GRIK1: variants seen among roughly 807,000 people sequenced by gnomAD.
GRIK1 encodes the protein glutamate receptor ionotropic, kainate 1.
Under a neutral mutation model 105.7 loss-of-function variants are expected in GRIK1, and 69 were observed. That is an observed-to-expected ratio of 0.65 (90% CI 0.54 to 0.80). The LOEUF (loss-of-function observed/expected upper bound fraction) is 0.80. GRIK1 is among the 30% of genes least tolerant of loss of function. The pLI is 0.00. For synonymous variants in GRIK1, 438 were observed against 431.3 expected (o/e 1.02, Z -0.19); for missense variants, 1,109 against 1,167.3 (o/e 0.95, Z 0.73).
chr21:29,623,972 C>T lies in GRIK1; in HGVS notation c.1098+18854G>A, dbSNP rs75862058. Among the ~76,000 whole-genome samples the T allele has an allele frequency of 8.3e-3, 1,270 of 152,176 alleles. 13 individuals carry two copies. The highest frequency in any genetic ancestry group is 0.029 in the African/African-American group (1,207 of 41,538). On this transcript the variant is annotated intron_variant, in intron 7 of 17. Transcript: ENST00000327783. The stretch of plus-strand genomic sequence containing the variant: ...TGGATAATTGCCATCTTTGGCTGAA[C>T]GTGTTTTTTGTGTATAATGATGCTA...
At chr21:29,654,905 A>G (rs2062820002) in intron 4 of GRIK1, 42 bp from the exon 5 acceptor site, 3 of 1,133,234 alleles carry the variant, frequency 2.6e-6, no homozygotes, top group Non-Finnish European at 4.0e-6. Context: ...GAACAGAATT[A>G]TAATAAGAAT....
chr21:29,708,711 C>T (rs1054836209), intron 1 of GRIK1, among the ~76,000 whole-genome samples: 1 of 152,176 alleles, frequency 6.6e-6, no homozygotes. Context: ...CAGCCTGGGA[C>T]GTTGGAGCAG....
chr21:29,924,817 T>A (rs1228638554), intron 1 of GRIK1, among the ~76,000 whole-genome samples: 1 of 152,192 alleles, frequency 6.6e-6, no homozygotes, highest in Admixed American at 6.5e-5. Context: ...GTTTCTTAAT[T>A]TCATAGAAGG....
intron 1 of GRIK1, among the ~76,000 whole-genome samples, chr21:29,744,048 A>G (rs2064992421): frequency 6.6e-6 from 1 of 152,264 alleles, no homozygotes; most frequent in East Asian, 1.9e-4. Context: ...TACCTATGTA[A>G]TCAACCTGCA....
At chr21:29,553,643 C>G in intron 16 of GRIK1, 1 of 1,608,322 alleles carries the variant, frequency 6.2e-7, no homozygotes, top group Non-Finnish European at 8.5e-7. Flanking sequence ...TAAAGTAGTT[C>G]CAGAAGTGGA....
intron 1 of GRIK1, among the ~76,000 whole-genome samples, chr21:29,919,281 G>A (rs1295516353): frequency 6.6e-6 from 1 of 152,106 alleles, no homozygotes; most frequent in Admixed American, 6.6e-5. Context: ...AAAAGTCCAC[G>A]GAGGTAAGAG....
chr21:29,891,534 T>C (rs2069898898), intron 1 of GRIK1, among the ~76,000 whole-genome samples: 1 of 152,210 alleles, frequency 6.6e-6, no homozygotes, highest in African/African-American at 2.4e-5. Flanking sequence ...AAGATTTGTC[T>C]TCAACATCAT....
In GRIK1 at chr21:29,734,743, T is replaced by G. The variant is rs2064744205; in HGVS notation, c.119-40680A>C. On this transcript the variant is annotated intron_variant, in intron 1 of 17. Transcript: ENST00000327783. ...TATTGTCTTCCTTTCTTACTCAGAA[T>G]TGAACTCAACATTCTTGTCACCATT... Among the ~76,000 whole-genome samples, 3 of 152,274 alleles carry G rather than the reference T, an allele frequency of 2.0e-5. No individual in the cohort carries two copies. The South Asian group carries it at 6.2e-4, about 32-fold the overall frequency.
intron 14 of GRIK1, among the ~76,000 whole-genome samples, chr21:29,564,158 T>A (rs1383313805): frequency 2.0e-5 from 3 of 152,012 alleles, no homozygotes; most frequent in African/African-American, 7.2e-5. Flanking sequence ...TATTTATTTA[T>A]TTTTTTTGAG....
intron 1 of GRIK1, among the ~76,000 whole-genome samples, chr21:29,787,369 T>C (rs2066285864): frequency 6.6e-6 from 1 of 152,168 alleles, no homozygotes; most frequent in Admixed American, 6.5e-5. Context: ...AGGGAGAGCA[T>C]CTTATATAAA....
chr21:29,575,649 T>C (rs1027422891), intron 14 of GRIK1, among the ~76,000 whole-genome samples: 3 of 151,864 alleles, frequency 2.0e-5, no homozygotes, highest in Non-Finnish European at 4.4e-5. Flanking sequence ...CTGGCCAATA[T>C]GGTGAAACCC....
At chr21:29,818,698 A>G (rs1422935993) in intron 1 of GRIK1, among the ~76,000 whole-genome samples, 1 of 152,100 alleles carries the variant, frequency 6.6e-6, no homozygotes, top group East Asian at 1.9e-4. Context: ...GGTCAGCGTA[A>G]TACCACTGGC....
At chr21:29,642,049 A>T (rs1332948543) in intron 7 of GRIK1, among the ~76,000 whole-genome samples, 1 of 152,192 alleles carries the variant, frequency 6.6e-6, no homozygotes, top group East Asian at 1.9e-4. Flanking sequence ...ATCTCAGAGC[A>T]TTGCGCATAC....
intron 1 of GRIK1, among the ~76,000 whole-genome samples, chr21:29,822,444 C>A (rs933476826): frequency 1.1e-4 from 17 of 152,018 alleles, no homozygotes; most frequent in Non-Finnish European, 1.8e-4. Flanking sequence ...TCCAATGTAC[C>A]CATGCTTATT....
At chr21:29,779,777 A>G (rs2066040879) in intron 1 of GRIK1, among the ~76,000 whole-genome samples, 1 of 152,204 alleles carries the variant, frequency 6.6e-6, no homozygotes, top group Admixed American at 6.5e-5. Context: ...ATATCGTTTT[A>G]AAGATGTGGT....
At chr21:29,635,272 A>T (rs1406169842) in intron 7 of GRIK1, among the ~76,000 whole-genome samples, 1 of 152,212 alleles carries the variant, frequency 6.6e-6, no homozygotes, top group Non-Finnish European at 1.5e-5. Flanking sequence ...ATACATAAGT[A>T]TAAAGGAAGT....
In GRIK1 at chr21:29,917,455, T is replaced by G. The variant is rs868479210; in HGVS notation, c.118+21928A>C. On this transcript the variant is annotated intron_variant, in intron 1 of 17. Coordinates refer to ENST00000327783, the MANE Select transcript of GRIK1 (RefSeq NM_001330994.2). ...AAACATAACAATTTATGCTGTGCCTTTATTTTTATTCAGATGTTAGGAGAA... is the reference window on the plus strand; with the variant it reads ...AAACATAACAATTTATGCTGTGCCTGTATTTTTATTCAGATGTTAGGAGAA... Among the ~76,000 whole-genome samples the G allele has an allele frequency of 5.3e-5, 8 of 152,172 alleles. 1 individual carries two copies. The Middle Eastern group carries it at 0.027, about 521-fold the overall frequency.
chr21:29,783,965 C>T (rs548704718), intron 1 of GRIK1, among the ~76,000 whole-genome samples: 220 of 152,190 alleles, frequency 1.4e-3, no homozygotes, highest in Non-Finnish European at 2.6e-3. Context: ...GAGTCTCGCT[C>T]TGTCGCCCAG....
chr21:29,808,498 A>G (rs1314253395), intron 1 of GRIK1, among the ~76,000 whole-genome samples: 2 of 152,176 alleles, frequency 1.3e-5, no homozygotes, highest in African/African-American at 2.4e-5. Context: ...GATATGCTAT[A>G]TATATTAGAG....
Sources: gnomAD v4.1 joint callset for allele counts (sites outside exome capture counted in the v4.1 genomes callset) on GRCh38, gnomAD v4.1.1 for gene constraint, MANE v1.5 for transcripts, NCBI Gene and HGNC (gene_info 2026-07-23, HGNC 2026-07-21) for gene names.